The following PLEKHA1 variants were observed in gnomAD, a reference collection of about 807,000 sequenced individuals.
PLEKHA1 encodes pleckstrin homology domain-containing family A member 1.
Under a neutral mutation model 52.0 loss-of-function variants are expected in PLEKHA1, and 34 were observed. That is an observed-to-expected ratio of 0.65 (90% CI 0.50 to 0.87). The LOEUF (loss-of-function observed/expected upper bound fraction) is 0.87, where lower values mean the gene tolerates loss of function less well. Among genes scored for constraint, PLEKHA1 ranks in the 40% least tolerant of loss-of-function variants. The pLI is 0.00. For missense variants in PLEKHA1, 497 were observed against 504.2 expected, an observed-to-expected ratio of 0.99 and a Z score of 0.14; for synonymous variants, 163 against 170.7, an observed-to-expected ratio of 0.95 and a Z score of 0.35.
At chr10:122,391,757 A>G (rs2096778887) in intron 1 of PLEKHA1, among the ~76,000 whole-genome samples, 1 of 151,922 alleles carries the variant, frequency 6.6e-6, no homozygotes, top group African/African-American at 2.4e-5. Context: ...TTTTACAAAC[A>G]TGGTAAATTT....
intron 1 of PLEKHA1, among the ~76,000 whole-genome samples, chr10:122,381,674 A>G (rs1422862211): frequency 6.6e-6 from 1 of 152,200 alleles, no homozygotes; most frequent in Non-Finnish European, 1.5e-5. Context: ...AGCCTCAGGT[A>G]GTTCTTTATA....
intron 5 of PLEKHA1, among the ~76,000 whole-genome samples, chr10:122,411,082 C>T (rs2097100351): frequency 6.6e-6 from 1 of 152,144 alleles, no homozygotes; most frequent in South Asian, 2.1e-4. Context: ...AAATTCTCTT[C>T]ATTATTTTAT....
intron 1 of PLEKHA1, among the ~76,000 whole-genome samples, chr10:122,389,716 T>A (rs184800107): frequency 0.052 from 7,909 of 151,398 alleles, 257 homozygotes; most frequent in East Asian, 0.14. Context: ...AAAAAAAAAA[T>A]TTTTTTTTCA....
At chr10:122,426,875 A>G (rs1252264834) in intron 10 of PLEKHA1, 67 bp from the exon 11 acceptor site, 2 of 1,289,928 alleles carry the variant, frequency 1.6e-6, no homozygotes, top group Non-Finnish European at 2.2e-6. Flanking sequence ...CAAAATAAAT[A>G]CATTGGCTGT....
intron 3 of PLEKHA1, among the ~76,000 whole-genome samples, chr10:122,399,000 G>A (rs72830799): frequency 0.079 from 11,954 of 152,134 alleles, 652 homozygotes; most frequent in Middle Eastern, 0.17. Flanking sequence ...AGTAAAGTAG[G>A]TGGGGTAACT....
chr10:122,385,311 CTTTTTT>C (rs1196217497), intron 1 of PLEKHA1, among the ~76,000 whole-genome samples: 5 of 96,476 alleles, frequency 5.2e-5, no homozygotes, highest in African/African-American at 2.2e-4. Flanking sequence ...TTGTGTCTGG[CTTTTTT>C]TTTTTTTTTT....
rs758904148 is a variant in PLEKHA1 at position 122,424,171 on chromosome 10, G to GTTTCTTT, written c.682-25_682-24insCTTTTTT. On this transcript the variant is annotated intron_variant, in intron 8 of 11. Coordinates refer to ENST00000368990, the MANE Select transcript of PLEKHA1 (RefSeq NM_001001974.4). ...TTTTAAGAATAAACATCATGTAACT[G>GTTTCTTT]TTTTTTTTTTTTTTTTTTTTTTGCC... The GTTTCTTT allele has an allele frequency of 4.2e-5, 40 of 955,772 alleles. 5 individuals carry two copies. Among genetic ancestry groups the GTTTCTTT allele is most frequent in the South Asian group, 1.0e-4 (5 of 48,170 alleles). The allele number at this position is 955,772 out of a possible 1,614,324, so 59.2% of individuals were successfully genotyped here. A position where few individuals can be genotyped will look rare whatever the true frequency, so the allele number is the denominator to read the frequency against.
rs1015515545 is a variant in PLEKHA1, at chr10:122,406,687, T to G, written c.342+14T>G. 1.9e-6 allele frequency: 3 copies of G among 1,557,570 alleles called. No individual in the cohort carries two copies. The highest frequency in any genetic ancestry group is 2.6e-6 in the Non-Finnish European group (3 of 1,133,610). The stretch of plus-strand genomic sequence containing the variant: ...ATAAAAATTACAGTAAGTATATGTA[T>G]TTTTTTGAAAAACGTTCGATGTCTG... On this transcript the variant is annotated intron_variant, in intron 5 of 11. Transcript: ENST00000368990.
At chr10:122,378,333 C>T (rs2096566250) in intron 1 of PLEKHA1, among the ~76,000 whole-genome samples, 1 of 152,190 alleles carries the variant, frequency 6.6e-6, no homozygotes, top group Admixed American at 6.5e-5. Flanking sequence ...TTTTAATTTT[C>T]ACTATTCACT....
rs1372672579 is a variant in PLEKHA1 at position 122,393,629 on chromosome 10, G to A, written c.141+288G>A. 2.0e-5 allele frequency among the ~76,000 whole-genome samples: 3 copies of A among 152,070 alleles called. No individual in the cohort carries two copies. Among genetic ancestry groups the A allele is most frequent in the Non-Finnish European group, 2.9e-5 (2 of 68,004 alleles). On this transcript the variant is annotated intron_variant, in intron 2 of 11. Coordinates refer to ENST00000368990, the MANE Select transcript of PLEKHA1 (RefSeq NM_001001974.4). The surrounding 1 kb of genome is among the most constrained non-coding windows in gnomAD (Gnocchi z 4.5). ...TAGGTTTTAGAAAATTAGAACTTGA[G>A]TCACAGAAAAAAATAACAATTGAAG...
chr10:122,425,159 A>G, intron 10 of PLEKHA1, 200 bp downstream of exon 10: 1 of 391,148 alleles, frequency 2.6e-6, no homozygotes, highest in Non-Finnish European at 4.5e-6. Flanking sequence ...TTTGTTATGA[A>G]TTAGTGAACT....
chr10:122,437,620 G>T, the PLEKHA1 span: 1 of 152,362 alleles, frequency 6.6e-6, no homozygotes, highest in African/African-American at 2.4e-5. Context: ...CCAATATTAA[G>T]AGCTTTGGAA....
intron 1 of PLEKHA1, among the ~76,000 whole-genome samples, chr10:122,392,028 A>G (rs1001459461): frequency 2.0e-5 from 3 of 152,158 alleles, no homozygotes; most frequent in African/African-American, 7.2e-5. Context: ...GGTGCCAGCT[A>G]TAGAAGTACC....
intron 8 of PLEKHA1, chr10:122,421,394 A>G (rs1169755188): frequency 6.6e-6 from 1 of 152,206 alleles, no homozygotes. Context: ...ACTGAGGGAA[A>G]GAAAATATTT....
At position 122,431,775 on chromosome 10, in the gene PLEKHA1, A is replaced by G. The variant is rs956831375; in HGVS notation, c.*1837A>G. 2 of 152,544 alleles carry G rather than the reference A, an allele frequency of 1.3e-5. No individual in the cohort carries two copies. The highest frequency in any genetic ancestry group is 4.8e-5 in the African/African-American group (2 of 41,438). The allele number at this position is 152,544 out of a possible 1,614,324, so 9.4% of individuals were successfully genotyped here. A position where few individuals can be genotyped will look rare whatever the true frequency, so the allele number is the denominator to read the frequency against. On this transcript the variant is annotated 3_prime_UTR_variant, in exon 12 of 12. Transcript: ENST00000368990. ...TCTTTTGCAGCTACATTTGAAAGTG[A>G]TAGAATAAAGAGATTTTAATGAGTT... is the stretch of plus-strand genomic sequence containing the variant.
At chr10:122,399,615 C>T (rs1339238961) in intron 3 of PLEKHA1, among the ~76,000 whole-genome samples, 2 of 152,058 alleles carry the variant, frequency 1.3e-5, no homozygotes, top group African/African-American at 4.8e-5. Flanking sequence ...GATGAAGTCT[C>T]ACTGTCTCCC....
At chr10:122,412,723 C>T (rs1361985192) in intron 5 of PLEKHA1, 197 bp from the exon 6 acceptor site, 16 of 580,192 alleles carry the variant, frequency 2.8e-5, no homozygotes, top group Middle Eastern at 4.7e-4. Flanking sequence ...GCACTCATTA[C>T]GTGATAGCTA....
At chr10:122,438,285 G>T in the PLEKHA1 span, 2 of 152,188 alleles carry the variant, frequency 1.3e-5, no homozygotes, top group Non-Finnish European at 2.9e-5. Flanking sequence ...AATAACAAAA[G>T]ATGGTGGCTT....
chr10:122,416,542 A>G (rs2097178303), intron 7 of PLEKHA1, among the ~76,000 whole-genome samples: 1 of 152,186 alleles, frequency 6.6e-6, no homozygotes, highest in African/African-American at 2.4e-5. Flanking sequence ...TAAGAGATGT[A>G]AATAAGAAAG....
Sources: gnomAD v4.1 joint callset for allele counts (sites outside exome capture counted in the v4.1 genomes callset) on GRCh38, gnomAD v4.1.1 for gene constraint, Gnocchi (gnomAD v3.1) non-coding constraint, MANE v1.5 for transcripts, NCBI Gene and HGNC (gene_info 2026-07-23, HGNC 2026-07-21) for gene names.